TNPO1: variants seen among roughly 807,000 people sequenced by gnomAD.
TNPO1 encodes the protein transportin-1.
Under a neutral mutation model 119.5 loss-of-function variants are expected in TNPO1, and 8 were observed. The observed-to-expected ratio is 0.07, with a 90% CI of 0.04 to 0.12. The LOEUF (loss-of-function observed/expected upper bound fraction) is 0.12, where lower values mean the gene tolerates loss of function less well. TNPO1 is among the 10% of genes least tolerant of loss of function. The pLI is 1.00. For missense variants in TNPO1, 576 were observed against 1,089.8 expected, an observed-to-expected ratio of 0.53 and a Z score of 6.64; for synonymous variants, 362 against 363.0, an observed-to-expected ratio of 1.00 and a Z score of 0.03.
At chr5:72,827,426 A>G (rs996272677) in intron 1 of TNPO1, among the ~76,000 whole-genome samples, 7 of 152,192 alleles carry the variant, frequency 4.6e-5, no homozygotes, top group African/African-American at 1.7e-4. Flanking sequence ...AATGGGTTAT[A>G]AGGGAACAAA....
At chr5:72,887,961 T>C (rs1043015881) in intron 12 of TNPO1, 117 bp from the exon 13 acceptor site, 3 of 912,958 alleles carry the variant, frequency 3.3e-6, no homozygotes, top group African/African-American at 3.4e-5. Context: ...TATTGTAGTA[T>C]GTGTATAGCA....
intron 1 of TNPO1, among the ~76,000 whole-genome samples, chr5:72,826,573 T>C (rs773031963): frequency 1.3e-5 from 2 of 152,194 alleles, no homozygotes; most frequent in Non-Finnish European, 1.5e-5. Context: ...TAGAATGTAG[T>C]AGACACTTAG....
chr5:72,854,820 T>G (rs1745855063), intron 3 of TNPO1, among the ~76,000 whole-genome samples: 1 of 152,196 alleles, frequency 6.6e-6, no homozygotes, highest in Non-Finnish European at 1.5e-5. Flanking sequence ...TTAAGAAAAC[T>G]CTTTTTAAAT....
chr5:72,870,658 C>G (rs555473006), intron 6 of TNPO1, among the ~76,000 whole-genome samples: 1 of 152,124 alleles, frequency 6.6e-6, no homozygotes, highest in African/African-American at 2.4e-5. Flanking sequence ...AAGCACGTCA[C>G]ACTGTTTCTT....
intron 12 of TNPO1, 142 bp downstream of exon 12, chr5:72,887,364 C>G (rs1446693280): frequency 2.9e-5 from 27 of 940,094 alleles, no homozygotes; most frequent in Non-Finnish European, 3.2e-5. Context: ...CTAACCCCAG[C>G]TAGATATTTT....
At chr5:72,864,201 T>G (rs1331126712) in intron 5 of TNPO1, among the ~76,000 whole-genome samples, 1 of 152,210 alleles carries the variant, frequency 6.6e-6, no homozygotes, top group African/African-American at 2.4e-5. Flanking sequence ...TTCCTGATAT[T>G]TAATGCATAT....
intron 6 of TNPO1, among the ~76,000 whole-genome samples, chr5:72,869,128 A>G (rs1747178014): frequency 6.6e-6 from 1 of 152,214 alleles, no homozygotes; most frequent in Non-Finnish European, 1.5e-5. Context: ...GTTCTGGCTT[A>G]TCTCAACTTG....
rs1748983083 is a variant in TNPO1, at chr5:72,890,688, GT to G, written c.1701+734del. Among the ~76,000 whole-genome samples, 5 of 152,184 alleles carry G rather than the reference GT, an allele frequency of 3.3e-5. No homozygotes were observed. The South Asian group carries it at 1.0e-3, about 32-fold the overall frequency. On this transcript the variant is annotated intron_variant, in intron 14 of 24. Coordinates refer to ENST00000337273, the MANE Select transcript of TNPO1 (RefSeq NM_002270.4). ...GAATGTCTTTAGAGTCTGTGCCCCT[GT>G]TTACATGATCACTATGTTTAGTCGT...
At chr5:72,888,001 AC>A in intron 12 of TNPO1, 76 bp from the exon 13 acceptor site, 1 of 1,322,418 alleles carries the variant, frequency 7.6e-7, no homozygotes, top group East Asian at 2.4e-5. Flanking sequence ...TTTCATAGAT[AC>A]GTGTTTTATT....
intron 1 of TNPO1, among the ~76,000 whole-genome samples, chr5:72,817,250 A>G (rs7732633): frequency 0.2 from 29,695 of 152,168 alleles, 3,425 homozygotes; most frequent in African/African-American, 0.32. Context: ...TCGTCCTTAC[A>G]TGCAGCTTGC....
intron 1 of TNPO1, among the ~76,000 whole-genome samples, chr5:72,832,620 G>A: frequency 6.6e-6 from 1 of 152,182 alleles, no homozygotes; most frequent in East Asian, 1.9e-4. Flanking sequence ...TAGCATCATA[G>A]TGAGAGTAAA....
At chr5:72,899,286 G>A (rs960897889) in intron 20 of TNPO1, among the ~76,000 whole-genome samples, 2 of 152,058 alleles carry the variant, frequency 1.3e-5, no homozygotes, top group African/African-American at 4.8e-5. Flanking sequence ...CTTAAAGTTA[G>A]TGGACTGTTA....
intron 2 of TNPO1, 34 bp from the exon 3 acceptor site, chr5:72,851,210 A>T (rs747027565): frequency 2.3e-6 from 3 of 1,278,374 alleles, no homozygotes; most frequent in African/African-American, 1.5e-5. Flanking sequence ...CTGAGATTAC[A>T]CAGAGAAGTT....
At chr5:72,878,413 A>G (rs528137079) in intron 9 of TNPO1, among the ~76,000 whole-genome samples, 1 of 151,878 alleles carries the variant, frequency 6.6e-6, no homozygotes, top group South Asian at 2.1e-4. Flanking sequence ...TTTGCCAGCC[A>G]TGAATTTTAA....
chr5:72,869,355 C>G lies in TNPO1; in HGVS notation c.597-3284C>G, dbSNP rs567208421. Among the ~76,000 whole-genome samples the G allele has an allele frequency of 7.9e-5, 12 of 151,866 alleles. No homozygotes were observed. In the East Asian group the frequency reaches 1.2e-3, roughly 15 times the overall value. On this transcript the variant is annotated intron_variant, in intron 6 of 24. Coordinates refer to ENST00000337273, the MANE Select transcript of TNPO1 (RefSeq NM_002270.4). ...TGAGGTCAGGAGTTTGAGACCAGCC[C>G]GGCCAACATGGCAAAATCCTACCTC...
At chr5:72,876,048 A>T (rs1368423204) in intron 8 of TNPO1, among the ~76,000 whole-genome samples, 1 of 152,190 alleles carries the variant, frequency 6.6e-6, no homozygotes, top group Non-Finnish European at 1.5e-5. Context: ...CATTCGTGGT[A>T]TGCAGCAACT....
intron 1 of TNPO1, among the ~76,000 whole-genome samples, chr5:72,822,322 A>AT (rs1743997735): frequency 1.8e-5 from 2 of 112,224 alleles, no homozygotes; most frequent in Admixed American, 1.1e-4. Context: ...TAAAGCAGTG[A>AT]CTTTTTTTTT....
At chr5:72,865,095 T>G (rs1746779997) in intron 5 of TNPO1, among the ~76,000 whole-genome samples, 1 of 152,232 alleles carries the variant, frequency 6.6e-6, no homozygotes, top group Non-Finnish European at 1.5e-5. Flanking sequence ...AAATATACCC[T>G]TGTATTTTAA....
chr5:72,854,386 T>C (rs947725130), intron 3 of TNPO1, among the ~76,000 whole-genome samples: 17 of 152,234 alleles, frequency 1.1e-4, no homozygotes, highest in African/African-American at 3.9e-4. Context: ...TGCTTCACTC[T>C]TGAAGATTTC....
Sources: allele counts gnomAD v4.1 joint callset (sites outside exome capture counted in the v4.1 genomes callset), GRCh38; gene constraint gnomAD v4.1.1; transcripts MANE v1.5; gene names NCBI Gene and HGNC (gene_info 2026-07-23, HGNC 2026-07-21).